EFNA5: variants seen among roughly 807,000 people sequenced by gnomAD.
The protein encoded by EFNA5 is ephrin A5.
A neutral mutation model predicts 22.9 loss-of-function variants in EFNA5; 5 were observed. The ratio of observed to expected loss-of-function variants is 0.22; its 90% CI spans 0.11 to 0.46. The LOEUF is 0.46. EFNA5 is among the 20% of genes least tolerant of loss of function. EFNA5 has a pLI of 0.99. For missense variants in EFNA5, 237 were observed against 293.3 expected (o/e 0.81, Z 1.40); for synonymous variants, 113 against 112.2 (o/e 1.01, Z -0.04).
At chr5:107,569,668 G>T (rs1292991642) in intron 1 of EFNA5, among the ~76,000 whole-genome samples, 3 of 143,320 alleles carry the variant, frequency 2.1e-5, no homozygotes, top group Non-Finnish European at 3.0e-5. Flanking sequence ...TGGCCAACAT[G>T]GTAAAACCCC....
intron 1 of EFNA5, among the ~76,000 whole-genome samples, chr5:107,640,718 G>A (rs1022290849): frequency 6.6e-6 from 1 of 152,206 alleles, no homozygotes; most frequent in Non-Finnish European, 1.5e-5. Context: ...CAGGTGAGCG[G>A]ACTGTCTTGC....
chr5:107,533,361 GA>G (rs1747863255), intron 1 of EFNA5, among the ~76,000 whole-genome samples: 2 of 152,084 alleles, frequency 1.3e-5, no homozygotes, highest in Admixed American at 1.3e-4. Flanking sequence ...CACCTATAGA[GA>G]AGTCTGAATT....
intron 1 of EFNA5, among the ~76,000 whole-genome samples, chr5:107,651,518 C>T (rs796464110): frequency 1.6e-4 from 24 of 152,168 alleles, no homozygotes; most frequent in African/African-American, 5.8e-4. Flanking sequence ...AGGGGGTCCT[C>T]GCAGGCCTCT....
chr5:107,499,193 A>C (rs1187714756), intron 1 of EFNA5, among the ~76,000 whole-genome samples: 1 of 152,150 alleles, frequency 6.6e-6, no homozygotes, highest in Non-Finnish European at 1.5e-5. Flanking sequence ...ATTTTTTTTT[A>C]AATCGGGAGA....
intron 1 of EFNA5, among the ~76,000 whole-genome samples, chr5:107,482,300 T>A (rs1179351317): frequency 1.6e-5 from 2 of 125,952 alleles, no homozygotes; most frequent in Non-Finnish European, 3.3e-5. Context: ...AATGAGTTGA[T>A]CTTGTCTCAA....
intron 1 of EFNA5, among the ~76,000 whole-genome samples, chr5:107,510,841 C>T (rs72789654): frequency 0.15 from 22,410 of 152,024 alleles, 1,840 homozygotes; most frequent in Middle Eastern, 0.22. Context: ...CAACGAGCTA[C>T]CTACTCAGGA....
At chr5:107,565,300 T>C (rs1340638295) in intron 1 of EFNA5, among the ~76,000 whole-genome samples, 2 of 152,250 alleles carry the variant, frequency 1.3e-5, no homozygotes, top group Non-Finnish European at 2.9e-5. Flanking sequence ...ATAGTACGCA[T>C]AGCTATGCTA....
intron 2 of EFNA5, among the ~76,000 whole-genome samples, chr5:107,390,527 T>C (rs527383241): frequency 1.3e-5 from 2 of 152,166 alleles, no homozygotes; most frequent in African/African-American, 4.8e-5. Flanking sequence ...TTATGAGCAA[T>C]AGATAGAGCT....
chr5:107,405,909 T>C (rs549292210), intron 2 of EFNA5, among the ~76,000 whole-genome samples: 2 of 147,768 alleles, frequency 1.4e-5, no homozygotes, highest in African/African-American at 5.0e-5. Flanking sequence ...TTTATATACA[T>C]AGAATGTATA....
intron 2 of EFNA5, among the ~76,000 whole-genome samples, chr5:107,423,499 C>T (rs1748725706): frequency 6.6e-6 from 1 of 151,526 alleles, no homozygotes. Flanking sequence ...ACCTCAGCCT[C>T]CCAAACAGCT....
At chr5:107,653,070 G>C (rs552914226) in intron 1 of EFNA5, among the ~76,000 whole-genome samples, 11 of 152,168 alleles carry the variant, frequency 7.2e-5, no homozygotes, top group African/African-American at 2.6e-4. Flanking sequence ...AAGGCTGACA[G>C]AGGCATCAGA....
intron 1 of EFNA5, among the ~76,000 whole-genome samples, chr5:107,648,243 A>G (rs568035962): frequency 6.6e-6 from 1 of 152,228 alleles, no homozygotes; most frequent in South Asian, 2.1e-4. Flanking sequence ...TTATTTATAT[A>G]TTTTTAATAA....
At chr5:107,496,287 G>T (rs912054993) in intron 1 of EFNA5, among the ~76,000 whole-genome samples, 1 of 128,474 alleles carries the variant, frequency 7.8e-6, no homozygotes. Context: ...AGTGAGCCAA[G>T]ATCATACCAT....
intron 1 of EFNA5, among the ~76,000 whole-genome samples, chr5:107,545,381 C>T (rs2112463761): frequency 6.6e-6 from 1 of 152,302 alleles, no homozygotes; most frequent in South Asian, 2.1e-4. Context: ...AAAGGAATCA[C>T]CCGCAGGAAA....
At chr5:107,619,064 G>C (rs1487919945) in intron 1 of EFNA5, among the ~76,000 whole-genome samples, 2 of 151,964 alleles carry the variant, frequency 1.3e-5, no homozygotes, top group South Asian at 2.1e-4. Context: ...TGGGACTACA[G>C]GCACCTGACA....
At chr5:107,623,015 G>C (rs1222765234) in intron 1 of EFNA5, among the ~76,000 whole-genome samples, 1 of 107,226 alleles carries the variant, frequency 9.3e-6, no homozygotes. Context: ...GTGACAGAGC[G>C]AGACTCCGTC....
At chr5:107,543,936 C>T (rs187252060) in intron 1 of EFNA5, among the ~76,000 whole-genome samples, 61 of 152,254 alleles carry the variant, frequency 4.0e-4, no homozygotes, top group African/African-American at 1.3e-3. Flanking sequence ...AGGTGCAGAG[C>T]GGCAGCTCTG....
At chr5:107,477,788 G>T (rs1324321384) in intron 1 of EFNA5, among the ~76,000 whole-genome samples, 1 of 152,078 alleles carries the variant, frequency 6.6e-6, no homozygotes, top group Non-Finnish European at 1.5e-5. Context: ...TTAGGTAAAA[G>T]TAAATGTCTC....
intron 1 of EFNA5, among the ~76,000 whole-genome samples, chr5:107,596,860 A>G (rs1749482261): frequency 6.6e-6 from 1 of 152,186 alleles, no homozygotes; most frequent in South Asian, 2.1e-4. Flanking sequence ...AAACTGTAAC[A>G]GTCCTAAAAT....
Sources: allele counts gnomAD v4.1 joint callset (sites outside exome capture counted in the v4.1 genomes callset), GRCh38; gene constraint gnomAD v4.1.1; transcripts MANE v1.5; gene names NCBI Gene and HGNC (gene_info 2026-07-23, HGNC 2026-07-21).